Variants in TAFA2 observed in about 807,000 individuals in gnomAD.
TAFA2 encodes the protein chemokine-like protein TAFA-2.
In TAFA2, 7 loss-of-function variants were observed where a neutral mutation model predicts 18.8. The ratio of observed to expected loss-of-function variants is 0.37; its 90% CI spans 0.21 to 0.70. The LOEUF (loss-of-function observed/expected upper bound fraction) is 0.70. Ranked by LOEUF, TAFA2 falls within the 30% of genes least tolerant of loss-of-function variation. The pLI is 0.53. For synonymous variants in TAFA2, 60 were observed against 54.2 expected, an observed-to-expected ratio of 1.11 and a Z score of -0.47; for missense variants, 122 against 158.1, an observed-to-expected ratio of 0.77 and a Z score of 1.23.
intron 1 of TAFA2, among the ~76,000 whole-genome samples, chr12:62,138,897 C>A (rs1386130805): frequency 6.6e-6 from 1 of 152,154 alleles, no homozygotes; most frequent in African/African-American, 2.4e-5. Flanking sequence ...AGTTTGCCAA[C>A]TTTATCCTTA....
At chr12:62,015,318 CAATA>C (rs1880899647) in intron 1 of TAFA2, among the ~76,000 whole-genome samples, 2 of 152,102 alleles carry the variant, frequency 1.3e-5, no homozygotes, top group African/African-American at 4.8e-5. Flanking sequence ...ATAACAGGTA[CAATA>C]AATATTTGAT....
intron 1 of TAFA2, among the ~76,000 whole-genome samples, chr12:62,202,821 C>CTTTTTTT (rs71083986): frequency 9.7e-5 from 6 of 61,634 alleles, no homozygotes; most frequent in Admixed American, 4.8e-4. Flanking sequence ...CTGTGTGGTT[C>CTTTTTTT]TTTTTTTTTT....
chr12:62,229,652 G>A (rs1565784034), intron 1 of TAFA2, among the ~76,000 whole-genome samples: 1 of 151,754 alleles, frequency 6.6e-6, no homozygotes. Context: ...TGTCCATCAG[G>A]AACACTTGCC....
At chr12:62,226,067 G>A (rs967332567) in intron 1 of TAFA2, among the ~76,000 whole-genome samples, 8 of 151,982 alleles carry the variant, frequency 5.3e-5, no homozygotes, top group Admixed American at 3.3e-4. Flanking sequence ...AAGAAGTTTT[G>A]TTTGTTGGCT....
intron 1 of TAFA2, among the ~76,000 whole-genome samples, chr12:62,081,643 C>T (rs1222090915): frequency 6.6e-6 from 1 of 152,034 alleles, no homozygotes; most frequent in Non-Finnish European, 1.5e-5. Flanking sequence ...CGCCACCACA[C>T]CTGGCTAATT....
chr12:62,043,093 G>A (rs1881807099), intron 1 of TAFA2, among the ~76,000 whole-genome samples: 2 of 152,098 alleles, frequency 1.3e-5, no homozygotes, highest in South Asian at 2.1e-4. Flanking sequence ...TGTAAAATAT[G>A]TCATTTTAAT....
chr12:61,891,177 A>G (rs1335719842), intron 1 of TAFA2, among the ~76,000 whole-genome samples: 1 of 152,206 alleles, frequency 6.6e-6, no homozygotes, highest in African/African-American at 2.4e-5. Context: ...AGTATTGATC[A>G]GTGTTTGGGG....
intron 2 of TAFA2, among the ~76,000 whole-genome samples, chr12:61,792,941 T>C (rs1244059084): frequency 6.6e-6 from 1 of 151,552 alleles, no homozygotes; most frequent in Non-Finnish European, 1.5e-5. Flanking sequence ...TTAGAGAAAA[T>C]TACCAGTCAA....
At chr12:62,193,220 A>G (rs1309714535), upstream of TAFA2, among the ~76,000 whole-genome samples, 2 of 152,232 alleles carry the variant, frequency 1.3e-5, no homozygotes, top group African/African-American at 4.8e-5. Context: ...AAAATGAATA[A>G]TTAGTAAGAA....
chr12:61,843,519 A>C (rs1168124017), intron 2 of TAFA2, among the ~76,000 whole-genome samples: 1 of 152,112 alleles, frequency 6.6e-6, no homozygotes, highest in Non-Finnish European at 1.5e-5. Flanking sequence ...ATAATGGGAA[A>C]AGTCTGTTTT....
chr12:61,954,180 T>G (rs1176618982), intron 1 of TAFA2, among the ~76,000 whole-genome samples: 1 of 152,170 alleles, frequency 6.6e-6, no homozygotes, highest in Admixed American at 6.6e-5. Context: ...TACATCTGTG[T>G]GTACACATCA....
chr12:61,856,209 T>C (rs7136585), intron 2 of TAFA2, among the ~76,000 whole-genome samples: 22,589 of 151,912 alleles, frequency 0.15, 2,012 homozygotes, highest in African/African-American at 0.23. Flanking sequence ...AAAATTCAAA[T>C]TGTCTGTGTC....
At chr12:61,809,557 C>T (rs1186180926) in intron 2 of TAFA2, among the ~76,000 whole-genome samples, 5 of 151,012 alleles carry the variant, frequency 3.3e-5, no homozygotes, top group African/African-American at 9.9e-5. Context: ...ACTGAAAGAA[C>T]AGAACAGGCA....
At chr12:62,106,679 C>A (rs895612540) in intron 1 of TAFA2, among the ~76,000 whole-genome samples, 1 of 152,184 alleles carries the variant, frequency 6.6e-6, no homozygotes, top group Admixed American at 6.5e-5. Context: ...CTTTAGTATA[C>A]TCCCCTTTAA....
chr12:61,975,656 T>C (rs1401594078), intron 1 of TAFA2, among the ~76,000 whole-genome samples: 1 of 151,556 alleles, frequency 6.6e-6, no homozygotes, highest in African/African-American at 2.4e-5. Context: ...CCACAGCTTT[T>C]AATGCAGAGG....
chr12:61,779,850 A>G (rs1870428650), intron 2 of TAFA2, among the ~76,000 whole-genome samples: 2 of 151,750 alleles, frequency 1.3e-5, no homozygotes, highest in Admixed American at 6.6e-5. Flanking sequence ...TGCTGAATCT[A>G]TGGTGTCTTC....
chr12:61,746,720 C>A (rs1178577050), intron 4 of TAFA2, among the ~76,000 whole-genome samples: 3 of 152,062 alleles, frequency 2.0e-5, no homozygotes, highest in East Asian at 1.9e-4. Flanking sequence ...AGATTACAGG[C>A]CTGATGAAGG....
intron 1 of TAFA2, among the ~76,000 whole-genome samples, chr12:62,054,303 A>C (rs1882131467): frequency 6.6e-6 from 1 of 152,230 alleles, no homozygotes; most frequent in Non-Finnish European, 1.5e-5. Flanking sequence ...GTTTTTAGTT[A>C]GTCTTTTCAG....
intron 1 of TAFA2, among the ~76,000 whole-genome samples, chr12:62,074,637 A>C (rs1196871617): frequency 6.6e-6 from 1 of 152,136 alleles, no homozygotes; most frequent in Non-Finnish European, 1.5e-5. Context: ...CAGACAGTAG[A>C]ATGCGAGCTT....
Sources: gnomAD v4.1 joint callset for allele counts (sites outside exome capture counted in the v4.1 genomes callset) on GRCh38, gnomAD v4.1.1 for gene constraint, MANE v1.5 for transcripts, NCBI Gene and HGNC (gene_info 2026-07-23, HGNC 2026-07-21) for gene names.